RTN1: variants seen among roughly 807,000 people sequenced by gnomAD.
RTN1 encodes the protein reticulon-1.
RTN1 carries 25 observed loss-of-function variants against 65.5 expected under a neutral mutation model. That is an observed-to-expected ratio of 0.38 (90% confidence interval 0.28 to 0.53). RTN1 has a LOEUF of 0.53. Ranked by LOEUF, RTN1 falls within the 20% of genes least tolerant of loss-of-function variation. The pLI is 0.79. For missense variants in RTN1, 983 were observed against 1,025.4 expected (o/e 0.96, Z 0.57); for synonymous variants, 471 against 447.6 (o/e 1.05, Z -0.66).
intron 2 of RTN1, among the ~76,000 whole-genome samples, chr14:59,744,215 C>T (rs1464762511): frequency 6.6e-6 from 1 of 152,210 alleles, no homozygotes; most frequent in Non-Finnish European, 1.5e-5. Flanking sequence ...GGCTTTGCTT[C>T]CATTTTCAGA....
At chr14:59,680,016 A>G (rs540988052) in intron 3 of RTN1, among the ~76,000 whole-genome samples, 4 of 152,330 alleles carry the variant, frequency 2.6e-5, no homozygotes, top group South Asian at 4.2e-4. Flanking sequence ...AGCAACAATG[A>G]AATTTCACTG....
At chr14:59,856,688 G>A (rs1887614636) in intron 1 of RTN1, among the ~76,000 whole-genome samples, 1 of 152,132 alleles carries the variant, frequency 6.6e-6, no homozygotes, top group Non-Finnish European at 1.5e-5. Flanking sequence ...TTGCTCTCCT[G>A]AGCTTCCCCA....
intron 3 of RTN1, among the ~76,000 whole-genome samples, chr14:59,624,902 C>T (rs1243569275): frequency 6.6e-6 from 1 of 152,200 alleles, no homozygotes; most frequent in East Asian, 1.9e-4. Flanking sequence ...ATTCTGAAAG[C>T]TAACCACTGA....
chr14:59,793,590 A>G (rs1886387095), intron 1 of RTN1, among the ~76,000 whole-genome samples: 1 of 151,860 alleles, frequency 6.6e-6, no homozygotes, highest in Non-Finnish European at 1.5e-5. Context: ...GAATTTTATC[A>G]GAGAATTCAT....
At position 59,870,577 on chromosome 14, in the gene RTN1, C is replaced by G; in HGVS notation, c.54G>C (p.Gly18=). ...QDELLPLAGP[G]SQWLRHRGEG... ...CCCCCCGGTGCCTGAGCCACTGGGACCCGGGGCCGGCCAGCGGCAGCAGCT... is the reference window on the plus strand; with the variant it reads ...CCCCCCGGTGCCTGAGCCACTGGGAGCCGGGGCCGGCCAGCGGCAGCAGCT... Residue 18 remains glycine, a synonymous_variant, in exon 1 of 9, where the codon GGG becomes GGC. Coordinates refer to ENST00000267484, the MANE Select transcript of RTN1 (RefSeq NM_021136.3). This position sits in a 1 kb window ranked among gnomAD's most constrained non-coding sequence, Gnocchi z 5.1. 6.9e-7 allele frequency: 1 copy of G among 1,451,512 alleles called. No homozygotes were observed. The highest frequency in any genetic ancestry group is 1.3e-5 in the South Asian group (1 of 74,276). The allele number at this position is 1,451,512 out of a possible 1,614,324, so 89.9% of individuals were successfully genotyped here.
At chr14:59,852,626 G>C (rs1372431821) in intron 1 of RTN1, among the ~76,000 whole-genome samples, 1 of 152,152 alleles carries the variant, frequency 6.6e-6, no homozygotes, top group Non-Finnish European at 1.5e-5. Context: ...CCATCATTAA[G>C]CCCTTCTCAG....
intron 8 of RTN1, 116 bp from the exon 9 acceptor site, chr14:59,596,903 A>G (rs1881418634): frequency 1.3e-6 from 1 of 767,066 alleles, no homozygotes; most frequent in Non-Finnish European, 2.3e-6. Flanking sequence ...AGAAGATATT[A>G]TAGTCTTTAT....
chr14:59,870,011 C>T lies in RTN1; in HGVS notation c.241+379G>A, dbSNP rs2139684849. On this transcript the variant is annotated intron_variant, in intron 1 of 8. Coordinates refer to ENST00000267484, the MANE Select transcript of RTN1 (RefSeq NM_021136.3). This position sits in a 1 kb window ranked among gnomAD's most constrained non-coding sequence, Gnocchi z 5.1. ...CGCGCACACTGCGCGCAAACACGCC[C>T]CCCAAAATCCCCACAACCTGTCAAA... Among the ~76,000 whole-genome samples, 1 of 152,264 alleles carries T rather than the reference C, an allele frequency of 6.6e-6. No individual in the cohort carries two copies. The highest frequency in any genetic ancestry group is 1.9e-4 in the East Asian group (1 of 5,142).
intron 1 of RTN1, among the ~76,000 whole-genome samples, chr14:59,775,606 C>G (rs572776118): frequency 6.6e-6 from 1 of 152,198 alleles, no homozygotes; most frequent in African/African-American, 2.4e-5. Flanking sequence ...ATTAATTATT[C>G]CCATTTAACA....
chr14:59,777,655 A>G (rs1886076625), intron 1 of RTN1, among the ~76,000 whole-genome samples: 1 of 152,002 alleles, frequency 6.6e-6, no homozygotes, highest in Non-Finnish European at 1.5e-5. Context: ...GTTCCTTAGG[A>G]CCAAAGGGAT....
At chr14:59,857,482 C>T (rs1887628943) in intron 1 of RTN1, among the ~76,000 whole-genome samples, 1 of 152,194 alleles carries the variant, frequency 6.6e-6, no homozygotes, top group African/African-American at 2.4e-5. Context: ...ATTCTCCCAG[C>T]CATAGGGCAC....
chr14:59,603,537 T>C (rs1337987269), intron 6 of RTN1, among the ~76,000 whole-genome samples: 1 of 151,292 alleles, frequency 6.6e-6, no homozygotes, highest in Non-Finnish European at 1.5e-5. Context: ...AAGATGAAAA[T>C]GAATCCATCC....
At chr14:59,608,467 A>G (rs1317659673) in intron 3 of RTN1, among the ~76,000 whole-genome samples, 1 of 152,244 alleles carries the variant, frequency 6.6e-6, no homozygotes, top group Non-Finnish European at 1.5e-5. Context: ...AATTAGCATG[A>G]AAGAACAATA....
rs1294248219 is a variant in RTN1 at position 59,856,157 on chromosome 14, T to G, written c.241+14233A>C. Among the ~76,000 whole-genome samples the G allele has an allele frequency of 3.9e-5, 6 of 152,340 alleles. No homozygotes were observed. In the East Asian group the frequency reaches 7.7e-4, roughly 20 times the overall value. On this transcript the variant is annotated intron_variant, in intron 1 of 8. Coordinates refer to ENST00000267484, the MANE Select transcript of RTN1 (RefSeq NM_021136.3). ...CATGATCTCTAGTAAGACTGTCTTC[T>G]TCTCTTCATTCACCTTTCAGAGTCC... is the stretch of plus-strand genomic sequence containing the variant.
In RTN1 at chr14:59,596,766, G is replaced by A. The variant is rs774464763; in HGVS notation, c.2310C>T (p.Gly770=). 6.2e-6 allele frequency: 10 copies of A among 1,611,418 alleles called. No individual in the cohort carries two copies. The highest frequency in any genetic ancestry group is 2.2e-5 in the South Asian group (2 of 91,010). Residue 770 remains glycine, a synonymous_variant, in exon 9 of 9, where the codon GGC becomes GGT. Coordinates refer to ENST00000267484, the MANE Select transcript of RTN1 (RefSeq NM_021136.3). The part of the protein sequence containing the change: ...VVAKIQAKIP[G]AKRHAE The stretch of plus-strand genomic sequence containing the variant: ...CAGTTTACTCAGCATGCCTCTTAGC[G>A]CCTGGGATTTTAGCCTGAATCCTAA...
At chr14:59,667,819 GACAA>G (rs1313175351) in intron 3 of RTN1, among the ~76,000 whole-genome samples, 1 of 152,080 alleles carries the variant, frequency 6.6e-6, no homozygotes, top group African/African-American at 2.4e-5. Context: ...ACCATTAGCA[GACAA>G]ACAGAGAGCC....
Position 59,603,880 on chromosome 14 carries a change from G to A in RTN1, c.2154C>T (p.Leu718=), listed in dbSNP as rs138515142. 1 of 1,612,066 alleles carries A rather than the reference G, an allele frequency of 6.2e-7. No homozygotes were observed. Among genetic ancestry groups the A allele is most frequent in the Admixed American group, 1.7e-5 (1 of 59,964 alleles). ...TGAGCAGCAGGGTCAGGCCATTGAAGAGAGCGCCAACGTAGGTCAGGAGCC... is the reference window on the plus strand; with the variant it reads ...TGAGCAGCAGGGTCAGGCCATTGAAAAGAGCGCCAACGTAGGTCAGGAGCC... ...LMWLLTYVGA[L]FNGLTLLLMA... is the part of the protein sequence containing the mutation. The change falls in exon 6 of 9, where the codon CTC becomes CTT. Residue 718 remains leucine, a synonymous_variant. Coordinates refer to ENST00000267484, the MANE Select transcript of RTN1 (RefSeq NM_021136.3).
intron 3 of RTN1, among the ~76,000 whole-genome samples, chr14:59,650,375 C>A (rs1445264684): frequency 6.6e-6 from 1 of 152,070 alleles, no homozygotes; most frequent in Admixed American, 6.6e-5. Context: ...ATGTAACAAA[C>A]CTGCACATTC....
At chr14:59,676,877 A>G (rs1346325993) in intron 3 of RTN1, among the ~76,000 whole-genome samples, 1 of 152,194 alleles carries the variant, frequency 6.6e-6, no homozygotes, top group Non-Finnish European at 1.5e-5. Context: ...AAAAGTGATG[A>G]GGCTTAGATA....
Sources: gnomAD v4.1 joint callset for allele counts (sites outside exome capture counted in the v4.1 genomes callset) on GRCh38, gnomAD v4.1.1 for gene constraint, Gnocchi (gnomAD v3.1) non-coding constraint, MANE v1.5 for transcripts, NCBI Gene and HGNC (gene_info 2026-07-23, HGNC 2026-07-21) for gene names.